Variants in ZNF532 observed in about 807,000 individuals in gnomAD.
The protein encoded by ZNF532 is zinc finger protein 532.
ZNF532 carries 22 observed loss-of-function variants against 89.3 expected under a neutral mutation model. The ratio of observed to expected loss-of-function variants is 0.25; its 90% confidence interval spans 0.18 to 0.35. The LOEUF is 0.35. Among genes scored for constraint, ZNF532 ranks in the 10% least tolerant of loss-of-function variants. The pLI is 1.00. For synonymous variants in ZNF532, 606 were observed against 649.6 expected (o/e 0.93, Z 1.02); for missense variants, 1,132 against 1,643.4 (o/e 0.69, Z 5.38).
Position 58,966,486 on chromosome 18 carries a change from C to G in ZNF532, c.3151-12569C>G, listed in dbSNP as rs140351913. Among the ~76,000 whole-genome samples, 424 of 151,726 alleles carry G rather than the reference C, an allele frequency of 2.8e-3. 3 individuals are homozygous for G. In the Middle Eastern group the frequency reaches 0.044, roughly 16 times the overall value. On this transcript the variant is annotated intron_variant, in intron 7 of 9. Coordinates refer to ENST00000591808, the MANE Select transcript of ZNF532 (RefSeq NM_001375912.1). Reference sequence around the variant, plus strand: ...GCCCCAAGCTTGCCCCAGTACCAGGCAATTTCACTGAACTGAAACAAAGTG... The same window carrying G: ...GCCCCAAGCTTGCCCCAGTACCAGGGAATTTCACTGAACTGAAACAAAGTG...
chr18:58,973,564 G>A (rs1367521855), intron 7 of ZNF532, among the ~76,000 whole-genome samples: 2 of 152,196 alleles, frequency 1.3e-5, no homozygotes, highest in Non-Finnish European at 2.9e-5. Flanking sequence ...ATTGCTGGTG[G>A]GTATGCAGGG....
At chr18:58,884,017 A>G (rs761899265) in intron 2 of ZNF532, among the ~76,000 whole-genome samples, 2 of 144,686 alleles carry the variant, frequency 1.4e-5, no homozygotes, top group Non-Finnish European at 2.9e-5. Context: ...TTTCTCTTCC[A>G]TGTTTTCTAA....
chr18:58,868,234 A>G (rs1203901014), intron 2 of ZNF532, among the ~76,000 whole-genome samples: 2 of 152,220 alleles, frequency 1.3e-5, no homozygotes. Context: ...AACAAGAACT[A>G]CAGACTTGAT....
intron 5 of ZNF532, among the ~76,000 whole-genome samples, chr18:58,942,963 A>G (rs1000743371): frequency 6.6e-6 from 1 of 152,170 alleles, no homozygotes; most frequent in African/African-American, 2.4e-5. Flanking sequence ...CCAGCATCCC[A>G]GTTCAAAAAG....
At chr18:58,923,827 A>C (rs1415166963) in intron 3 of ZNF532, among the ~76,000 whole-genome samples, 1 of 152,114 alleles carries the variant, frequency 6.6e-6, no homozygotes, top group Non-Finnish European at 1.5e-5. Context: ...AACTGTGCCA[A>C]GCCCCTCCTT....
At chr18:58,961,967 G>GTA (rs2065390767) in intron 7 of ZNF532, among the ~76,000 whole-genome samples, 3 of 152,174 alleles carry the variant, frequency 2.0e-5, no homozygotes, top group African/African-American at 7.2e-5. Flanking sequence ...GGTCATGCCT[G>GTA]TAATCCCAGC....
At chr18:58,899,119 A>C (rs1018079225) in intron 2 of ZNF532, among the ~76,000 whole-genome samples, 2 of 152,228 alleles carry the variant, frequency 1.3e-5, no homozygotes, top group African/African-American at 2.4e-5. Flanking sequence ...GTCCGGACAC[A>C]GCGAGTCCGT....
Position 58,985,277 on chromosome 18 carries a change from T to C in ZNF532, c.*811T>C, listed in dbSNP as rs1052022339. 2.0e-5 allele frequency: 3 copies of C among 152,406 alleles called. No homozygotes were observed. The highest frequency in any genetic ancestry group is 2.0e-4 in the Admixed American group (3 of 15,290). 9.4% of individuals were successfully genotyped at this position (152,406 alleles called of 1,614,324 possible). On this transcript the variant is annotated 3_prime_UTR_variant, in exon 10 of 10. Coordinates refer to ENST00000591808, the MANE Select transcript of ZNF532 (RefSeq NM_001375912.1). The stretch of plus-strand genomic sequence containing the variant: ...AGGGAAAGTAACGAAAGGGCTGGAC[T>C]ACTATAAAAGTTACAAATACGTAGT...
Position 58,939,617 on chromosome 18 carries a change from C to G in ZNF532, c.2701C>G (p.Pro901Ala). The change falls in exon 5 of 10, where the codon CCA becomes GCA. Residue 901 changes from proline (P) to alanine (A), a missense_variant. By Grantham distance (27) the Pro-to-Ala change is conservative. Coordinates refer to ENST00000591808, the MANE Select transcript of ZNF532 (RefSeq NM_001375912.1). ...GCATCCTGGCATCAAGATAGGAGAA[C>G]CAAAGTAAGTCATACCGACTTTCAA... is the stretch of plus-strand genomic sequence containing the variant. The part of the protein sequence containing the change: ...TQHPGIKIGE[P>A]KIIYKCSMCD... 1 of 1,609,878 alleles carries G rather than the reference C, an allele frequency of 6.2e-7. No individual in the cohort carries two copies. Among genetic ancestry groups the G allele is most frequent in the Non-Finnish European group, 8.5e-7 (1 of 1,178,654 alleles).
intron 2 of ZNF532, among the ~76,000 whole-genome samples, chr18:58,888,682 A>G (rs28599708): frequency 0.13 from 10,220 of 76,328 alleles, 1,156 homozygotes; most frequent in Middle Eastern, 0.23. Context: ...GTCTCCAAGG[A>G]AGGCAAAAAA....
chr18:58,959,029 TATTAAA>T (rs1420028899), intron 7 of ZNF532, among the ~76,000 whole-genome samples: 5 of 152,212 alleles, frequency 3.3e-5, no homozygotes, highest in African/African-American at 9.6e-5. Flanking sequence ...TGTGAGCCAG[TATTAAA>T]ATTAAAAAGA....
chr18:58,941,971 C>T lies in ZNF532; in HGVS notation c.2705+2350C>T, dbSNP rs187146104. On this transcript the variant is annotated intron_variant, in intron 5 of 9. Transcript: ENST00000591808. ...CCTTTCCTCCCTCCCTCTCTCCCTC[C>T]CTCCCTCCTTCCCTCCTTCCCTTCC... 4.2e-3 allele frequency among the ~76,000 whole-genome samples: 540 copies of T among 130,082 alleles called. 2 individuals are homozygous for T. The highest frequency in any genetic ancestry group is 0.012 in the African/African-American group (441 of 36,974). The allele number at this position is 130,082 out of a possible 152,430, so 85.3% of individuals were successfully genotyped here.
chr18:58,868,375 G>A (rs1440202836), intron 2 of ZNF532, among the ~76,000 whole-genome samples: 3 of 152,154 alleles, frequency 2.0e-5, no homozygotes, highest in East Asian at 3.8e-4. Flanking sequence ...GTGGTGTACC[G>A]TTCTGTGGGT....
chr18:58,947,977 C>G (rs1603271160), intron 5 of ZNF532, 90 bp from the exon 6 acceptor site: 1 of 1,285,776 alleles, frequency 7.8e-7, no homozygotes. Flanking sequence ...CAATGTGCCT[C>G]TGCCTCCCAA....
intron 2 of ZNF532, among the ~76,000 whole-genome samples, chr18:58,900,857 C>T (rs918442779): frequency 2.0e-5 from 3 of 152,170 alleles, no homozygotes; most frequent in African/African-American, 7.2e-5. Flanking sequence ...AACCCTGTAT[C>T]CTTTAGCCAT....
At chr18:58,956,447 G>A (rs949005925) in intron 7 of ZNF532, among the ~76,000 whole-genome samples, 1 of 152,156 alleles carries the variant, frequency 6.6e-6, no homozygotes, top group Admixed American at 6.5e-5. Flanking sequence ...GAAATGAATG[G>A]TGTTGAGTGT....
At chr18:58,950,727 C>T (rs1041892316) in intron 6 of ZNF532, among the ~76,000 whole-genome samples, 2 of 152,162 alleles carry the variant, frequency 1.3e-5, no homozygotes, top group Non-Finnish European at 2.9e-5. Flanking sequence ...GAGTTACAGA[C>T]ACTCATTCAA....
chr18:58,919,491 T>A lies in ZNF532; in HGVS notation c.1204T>A (p.Ser402Thr). The change falls in exon 3 of 10, where the codon TCT becomes ACT. Residue 402 changes from serine to threonine, a missense_variant. By Grantham distance (58) the Ser-to-Thr change is moderately conservative. Coordinates refer to ENST00000591808, the MANE Select transcript of ZNF532 (RefSeq NM_001375912.1). This position sits in a 1 kb window ranked among gnomAD's most constrained non-coding sequence, Gnocchi z 6.1. ...CGAGCAGACAGCGTCCGTGATGGCC[T>A]CTGTGACATCCCTTCTGTCGTCTCC... Reference protein sequence around the residue: ...PSEQTASVMASVTSLLSSPAS... With the variant: ...PSEQTASVMATVTSLLSSPAS... 6.2e-7 allele frequency: 1 copy of A among 1,614,202 alleles called. No homozygotes were observed. The highest frequency in any genetic ancestry group is 1.1e-5 in the South Asian group (1 of 91,086).
intron 2 of ZNF532, among the ~76,000 whole-genome samples, chr18:58,874,291 T>C (rs11875984): frequency 0.029 from 4,371 of 152,268 alleles, 224 homozygotes; most frequent in African/African-American, 0.099. Flanking sequence ...GGCTCTACTT[T>C]CATTTGTGGT....
Sources: allele counts gnomAD v4.1 joint callset (sites outside exome capture counted in the v4.1 genomes callset), GRCh38; gene constraint gnomAD v4.1.1; non-coding constraint Gnocchi (gnomAD v3.1); transcripts MANE v1.5; gene names NCBI Gene and HGNC (gene_info 2026-07-23, HGNC 2026-07-21).